TNIK: variants seen among roughly 807,000 people sequenced by gnomAD.
TNIK encodes the protein TRAF2 and NCK interacting kinase.
TNIK carries 49 observed loss-of-function variants against 191.3 expected under a neutral mutation model. The observed-to-expected ratio is 0.26, with a 90% confidence interval of 0.20 to 0.32. The LOEUF (loss-of-function observed/expected upper bound fraction) is 0.32, where lower values mean the gene tolerates loss of function less well. Among genes scored for constraint, TNIK ranks in the 10% least tolerant of loss-of-function variants. The probability of loss-of-function intolerance (pLI) is 1.00; values close to 1 mark genes in which losing one functional copy is unlikely to be tolerated. For missense variants in TNIK, 1,155 were observed against 1,702.3 expected (o/e 0.68, Z 5.66); for synonymous variants, 594 against 600.9 (o/e 0.99, Z 0.17).
At chr3:171,192,956 T>C (rs1738237449) in intron 5 of TNIK, among the ~76,000 whole-genome samples, 1 of 152,198 alleles carries the variant, frequency 6.6e-6, no homozygotes, top group South Asian at 2.1e-4. Flanking sequence ...GTGCTTTAAT[T>C]TTTATATTTT....
At chr3:171,442,943 C>A (rs1440343770) in intron 1 of TNIK, among the ~76,000 whole-genome samples, 1 of 152,174 alleles carries the variant, frequency 6.6e-6, no homozygotes, top group Non-Finnish European at 1.5e-5. Context: ...ACAATACCAG[C>A]ACAAGTTACA....
chr3:171,318,884 G>A (rs553627405), intron 2 of TNIK, among the ~76,000 whole-genome samples: 21 of 152,136 alleles, frequency 1.4e-4, no homozygotes, highest in African/African-American at 4.1e-4. Context: ...ATTACATGCC[G>A]GCCAGCATGG....
chr3:171,304,761 CA>C (rs1008953997), intron 2 of TNIK, among the ~76,000 whole-genome samples: 4 of 151,304 alleles, frequency 2.6e-5, no homozygotes, highest in Admixed American at 1.3e-4. Flanking sequence ...ATCACAAGGA[CA>C]AAAAACCAAA....
chr3:171,374,137 G>A (rs188162109), intron 1 of TNIK, among the ~76,000 whole-genome samples: 6 of 152,240 alleles, frequency 3.9e-5, no homozygotes, highest in Non-Finnish European at 8.8e-5. Context: ...ACAAAAAATG[G>A]GATCAGAATG....
intron 12 of TNIK, among the ~76,000 whole-genome samples, chr3:171,155,060 A>C (rs1054389418): frequency 2.0e-5 from 3 of 152,216 alleles, no homozygotes; most frequent in Non-Finnish European, 4.4e-5. Flanking sequence ...CAAAATACAA[A>C]AGCTACAAGC....
chr3:171,179,901 T>A (rs1213115921), intron 7 of TNIK, among the ~76,000 whole-genome samples: 1 of 152,194 alleles, frequency 6.6e-6, no homozygotes, highest in Non-Finnish European at 1.5e-5. Flanking sequence ...CCCTGTGCTA[T>A]TTTGATAAGA....
At chr3:171,249,096 A>G (rs7617963) in intron 2 of TNIK, among the ~76,000 whole-genome samples, 22,830 of 152,236 alleles carry the variant, frequency 0.15, 3,269 homozygotes, top group African/African-American at 0.38. Context: ...GTTAAAGTGT[A>G]TCTTTGCATA....
At chr3:171,301,566 C>T (rs568268140) in intron 2 of TNIK, among the ~76,000 whole-genome samples, 1 of 152,336 alleles carries the variant, frequency 6.6e-6, no homozygotes, top group East Asian at 1.9e-4. Flanking sequence ...CCGCCTGCCT[C>T]AGCCTCCCAA....
chr3:171,452,892 G>T (rs1342199780), intron 1 of TNIK, among the ~76,000 whole-genome samples: 1 of 152,054 alleles, frequency 6.6e-6, no homozygotes, highest in Non-Finnish European at 1.5e-5. Flanking sequence ...CCCAGGACCA[G>T]GCATAGTATT....
At chr3:171,110,397 G>A (rs1222203550) in intron 19 of TNIK, among the ~76,000 whole-genome samples, 5 of 152,136 alleles carry the variant, frequency 3.3e-5, no homozygotes, top group African/African-American at 7.2e-5. Flanking sequence ...TCTAAAAACC[G>A]GCAATCAAAC....
At chr3:171,075,348 A>G (rs753748574) in intron 28 of TNIK, among the ~76,000 whole-genome samples, 25 of 152,256 alleles carry the variant, frequency 1.6e-4, no homozygotes, top group Non-Finnish European at 2.9e-4. Flanking sequence ...CCAAATATGC[A>G]TATGAATCTG....
At chr3:171,457,537 G>C (rs997821442) in intron 1 of TNIK, among the ~76,000 whole-genome samples, 8 of 152,154 alleles carry the variant, frequency 5.3e-5, no homozygotes, top group African/African-American at 1.4e-4. Flanking sequence ...AAGGGCTTAG[G>C]AACAAATGAG....
chr3:171,097,488 C>T (rs532240487), intron 22 of TNIK, among the ~76,000 whole-genome samples: 29 of 152,328 alleles, frequency 1.9e-4, no homozygotes, highest in South Asian at 1.0e-3. Context: ...CATAATCCCA[C>T]GACATGGGAG....
intron 26 of TNIK, 27 bp downstream of exon 26, chr3:171,084,123 TAAAAA>T (rs371989911): frequency 3.7e-5 from 52 of 1,393,282 alleles, no homozygotes; most frequent in South Asian, 1.2e-4. Flanking sequence ...AGTGGTTATT[TAAAAA>T]AAAAAAAAAA....
chr3:171,327,555 G>A (rs1577491586), intron 2 of TNIK, among the ~76,000 whole-genome samples: 1 of 152,090 alleles, frequency 6.6e-6, no homozygotes, highest in Non-Finnish European at 1.5e-5. Context: ...GGCCCTAGGG[G>A]ACACAGTGTG....
intron 12 of TNIK, among the ~76,000 whole-genome samples, chr3:171,151,611 G>C (rs1732442485): frequency 6.6e-6 from 1 of 152,176 alleles, no homozygotes; most frequent in Non-Finnish European, 1.5e-5. Context: ...TGTAAAACAG[G>C]AAAGTTAAAG....
chr3:171,376,443 G>A (rs981112761), intron 1 of TNIK, among the ~76,000 whole-genome samples: 3 of 152,058 alleles, frequency 2.0e-5, no homozygotes, highest in Admixed American at 2.0e-4. Context: ...ACCCTCCCTC[G>A]CCACCTACTG....
chr3:171,101,964 C>A, intron 21 of TNIK: 1 of 175,972 alleles, frequency 5.7e-6, no homozygotes, highest in Non-Finnish European at 1.2e-5. Context: ...CTGGTCACCC[C>A]CAGAGTTAAT....
At position 171,413,919 on chromosome 3, in the gene TNIK, G is replaced by A. The variant is rs553709189; in HGVS notation, c.58-44234C>T. On this transcript the variant is annotated intron_variant, in intron 1 of 32. Coordinates refer to ENST00000436636, the MANE Select transcript of TNIK (RefSeq NM_015028.4). The stretch of plus-strand genomic sequence containing the variant: ...TGTAGTTATCTCACATTGTTTGAAG[G>A]GGGGATTCATGCCTGGTAATATATA... Among the ~76,000 whole-genome samples, 7 of 152,208 alleles carry A rather than the reference G, an allele frequency of 4.6e-5. No individual in the cohort carries two copies. The South Asian group carries it at 1.5e-3, about 32-fold the overall frequency.
Sources: allele counts gnomAD v4.1 joint callset (sites outside exome capture counted in the v4.1 genomes callset), GRCh38; gene constraint gnomAD v4.1.1; transcripts MANE v1.5; gene names NCBI Gene and HGNC (gene_info 2026-07-23, HGNC 2026-07-21).